Variants in WNT1 observed in about 807,000 individuals in gnomAD.
WNT1 encodes the protein proto-oncogene Wnt-1.
A neutral mutation model predicts 21.3 loss-of-function variants in WNT1; 10 were observed. The ratio of observed to expected loss-of-function variants is 0.47; its 90% CI spans 0.29 to 0.80. The LOEUF (loss-of-function observed/expected upper bound fraction) is 0.80. Among genes scored for constraint, WNT1 ranks in the 30% least tolerant of loss-of-function variants. WNT1 has a pLI of 0.09. For missense variants in WNT1, 476 were observed against 534.1 expected, an observed-to-expected ratio of 0.89 and a Z score of 1.07; for synonymous variants, 208 against 236.3, an observed-to-expected ratio of 0.88 and a Z score of 1.10.
Position 48,981,259 on chromosome 12 carries a change from T to G in WNT1, c.732T>G (p.Asp244Glu). The G allele has an allele frequency of 2.5e-6, 4 of 1,607,500 alleles. No individual in the cohort carries two copies. Among genetic ancestry groups the G allele is most frequent in the Non-Finnish European group, 3.4e-6 (4 of 1,177,234 alleles). ...MRLPTLRAVG[D>E]VLRDRFDGAS... ...TGCCCACGCTGCGCGCCGTGGGCGA[T>G]GTGCTGCGCGACCGCTTCGACGGCG... The change falls in exon 4 of 4, where the codon GAT becomes GAG. Residue 244 changes from aspartate (D) to glutamate (E), a missense_variant. By Grantham distance (45) the Asp-to-Glu change is conservative. Coordinates refer to ENST00000293549, the MANE Select transcript of WNT1 (RefSeq NM_005430.4). This position sits in a 1 kb window ranked among gnomAD's most constrained non-coding sequence, Gnocchi z 7.4.
rs770483597 is a variant in WNT1, at chr12:48,981,170, C to G, written c.643C>G (p.Arg215Gly). The change falls in exon 4 of 4, where the codon CGC (arginine) becomes GGC (glycine). Residue 215 changes from arginine (R) to glycine (G), a missense_variant. Physicochemically the swap from Arg to Gly is moderately radical, Grantham distance 125. Transcript: ENST00000293549. The surrounding 1 kb of genome is among the most constrained non-coding windows in gnomAD (Gnocchi z 7.4). Reference protein sequence around the residue: ...AGRTTVFSEMRQECKCHGMSG... With the variant: ...AGRTTVFSEMGQECKCHGMSG... The stretch of plus-strand genomic sequence containing the variant: ...CCCGCAGACCGTATTCTCCGAGATG[C>G]GCCAGGAGTGCAAGTGCCACGGGAT... The G allele has an allele frequency of 1.9e-6, 3 of 1,612,094 alleles. No homozygotes were observed. The highest frequency in any genetic ancestry group is 2.5e-6 in the Non-Finnish European group (3 of 1,179,596).
rs764154512 is a variant in WNT1 at position 48,979,458 on chromosome 12, G to C, written c.105-10G>C. The C allele has an allele frequency of 1.9e-6, 3 of 1,594,856 alleles. No individual in the cohort carries two copies. Among genetic ancestry groups the C allele is most frequent in the African/African-American group, 2.7e-5 (2 of 74,574 alleles). ...CCTTCCTGAGCCTGAGCTATCATAC[G>C]TCCCACCAGGGGTATTGTGAACGTA... On this transcript the variant is annotated splice_polypyrimidine_tract_variant and intron_variant, in intron 1 of 3. Coordinates refer to ENST00000293549, the MANE Select transcript of WNT1 (RefSeq NM_005430.4). This position sits in a 1 kb window ranked among gnomAD's most constrained non-coding sequence, Gnocchi z 6.0.
Position 48,981,248 on chromosome 12 carries a change from G to T in WNT1, c.721G>T (p.Ala241Ser), listed in dbSNP as rs777921885. The change falls in exon 4 of 4, where the codon GCC becomes TCC. Residue 241 changes from alanine (A) to serine (S), a missense_variant. By Grantham distance (99) the Ala-to-Ser change is moderately conservative (BLOSUM62 1). Coordinates refer to ENST00000293549, the MANE Select transcript of WNT1 (RefSeq NM_005430.4). The surrounding 1 kb of genome is among the most constrained non-coding windows in gnomAD (Gnocchi z 7.4). ...CTGGATGCGGCTGCCCACGCTGCGC[G>T]CCGTGGGCGATGTGCTGCGCGACCG... ...TCWMRLPTLR[A>S]VGDVLRDRFD... The T allele has an allele frequency of 7.5e-6, 12 of 1,608,716 alleles. No individual in the cohort carries two copies. Among genetic ancestry groups the T allele is most frequent in the Admixed American group, 1.7e-5 (1 of 59,702 alleles).
chr12:48,981,637 G>T lies in WNT1; in HGVS notation c.1110G>T (p.Leu370=). Residue 370 remains leucine, a synonymous_variant, in exon 4 of 4, where the codon CTG becomes CTT. Coordinates refer to ENST00000293549, the MANE Select transcript of WNT1 (RefSeq NM_005430.4). The surrounding 1 kb of genome is among the most constrained non-coding windows in gnomAD (Gnocchi z 7.4). ...CTHTRVLHEC[L] ...ACACGCGCGTACTGCACGAGTGTCT[G>T]TGAGGCGCTGCGCGGACTCGCCCCC... is the stretch of plus-strand genomic sequence containing the variant. 6.9e-7 allele frequency: 1 copy of T among 1,442,832 alleles called. No individual in the cohort carries two copies. Among genetic ancestry groups the T allele is most frequent in the Middle Eastern group, 1.9e-4 (1 of 5,220 alleles). 89.4% of individuals were successfully genotyped at this position (1,442,832 alleles called of 1,614,324 possible). A position where few individuals can be genotyped will look rare whatever the true frequency, so the allele number is the denominator to read the frequency against.
chr12:48,981,702 T>C lies in WNT1; in HGVS notation c.*62T>C. On this transcript the variant is annotated 3_prime_UTR_variant, in exon 4 of 4. Transcript: ENST00000293549. This position sits in a 1 kb window ranked among gnomAD's most constrained non-coding sequence, Gnocchi z 7.4. The stretch of plus-strand genomic sequence containing the variant: ...CGAGCCCTCCCCCAAACAGACTCGC[T>C]AGCACTCAAGACCCGGTTATTCGCC... 2 of 1,411,008 alleles carry C rather than the reference T, an allele frequency of 1.4e-6. No homozygotes were observed. Among genetic ancestry groups the C allele is most frequent in the South Asian group, 1.5e-5 (1 of 64,894 alleles). 87.4% of individuals were successfully genotyped at this position (1,411,008 alleles called of 1,614,324 possible).
Position 48,981,031 on chromosome 12 carries a change from C to A in WNT1, c.625-121C>A. ...CATTTCGCGCCTCCCTTCCCCTGGG[C>A]TCAGCTAGGCCTGGGCCTTTGCTGA... On this transcript the variant is annotated intron_variant, in intron 3 of 3. Coordinates refer to ENST00000293549, the MANE Select transcript of WNT1 (RefSeq NM_005430.4). The surrounding 1 kb of genome is among the most constrained non-coding windows in gnomAD (Gnocchi z 7.4). 6.8e-7 allele frequency: 1 copy of A among 1,460,848 alleles called. No homozygotes were observed. Among genetic ancestry groups the A allele is most frequent in the South Asian group, 1.4e-5 (1 of 71,464 alleles). 90.5% of individuals were successfully genotyped at this position (1,460,848 alleles called of 1,614,324 possible).
In WNT1 at chr12:48,978,820, G is replaced by T; in HGVS notation, c.104+66G>T. 1 of 1,114,052 alleles carries T rather than the reference G, an allele frequency of 9.0e-7. No homozygotes were observed. Among genetic ancestry groups the T allele is most frequent in the Non-Finnish European group, 1.3e-6 (1 of 793,838 alleles). The allele number at this position is 1,114,052 out of a possible 1,614,324, so 69.0% of individuals were successfully genotyped here. On this transcript the variant is annotated intron_variant, in intron 1 of 3. Coordinates refer to ENST00000293549, the MANE Select transcript of WNT1 (RefSeq NM_005430.4). The surrounding 1 kb of genome is among the most constrained non-coding windows in gnomAD (Gnocchi z 7.4). ...CAGAGCCAGGGGCCAACCCTACCCA[G>T]CTCCCACGCTCTGGGATCCGTCTGC...
At position 48,981,811 on chromosome 12, in the gene WNT1, C is replaced by A. The variant is rs1331055752; in HGVS notation, c.*171C>A. The A allele has an allele frequency of 3.1e-6, 3 of 971,986 alleles. No homozygotes were observed. The highest frequency in any genetic ancestry group is 4.3e-6 in the Non-Finnish European group (3 of 705,510). The allele number at this position is 971,986 out of a possible 1,614,324, so 60.2% of individuals were successfully genotyped here. The stretch of plus-strand genomic sequence containing the variant: ...TCCTCCTACCTGGGGACTCCTCAAA[C>A]CACTTGCCTGGGGCGGCATGAACCC... On this transcript the variant is annotated 3_prime_UTR_variant, in exon 4 of 4. Coordinates refer to ENST00000293549, the MANE Select transcript of WNT1 (RefSeq NM_005430.4). The surrounding 1 kb of genome is among the most constrained non-coding windows in gnomAD (Gnocchi z 7.4).
chr12:48,979,972 G>A lies in WNT1; in HGVS notation c.358+251G>A, dbSNP rs1940988647. Reference sequence around the variant, plus strand: ...CAGATAAAGAAAGTTTCGGGTCGCGGACGCCGGCTGACCGCCGCTTTCCCC... The same window carrying A: ...CAGATAAAGAAAGTTTCGGGTCGCGAACGCCGGCTGACCGCCGCTTTCCCC... On this transcript the variant is annotated intron_variant, in intron 2 of 3. Coordinates refer to ENST00000293549, the MANE Select transcript of WNT1 (RefSeq NM_005430.4). This position sits in a 1 kb window ranked among gnomAD's most constrained non-coding sequence, Gnocchi z 6.0. 1.3e-5 allele frequency among the ~76,000 whole-genome samples: 2 copies of A among 152,244 alleles called. No individual in the cohort carries two copies. The highest frequency in any genetic ancestry group is 4.1e-4 in the South Asian group (2 of 4,832).
Position 48,981,577 on chromosome 12 carries a change from C to T in WNT1, c.1050C>T (p.His350=). The change falls in exon 4 of 4, where the codon CAC becomes CAT. Residue 350 remains histidine, a synonymous_variant. Coordinates refer to ENST00000293549, the MANE Select transcript of WNT1 (RefSeq NM_005430.4). The surrounding 1 kb of genome is among the most constrained non-coding windows in gnomAD (Gnocchi z 7.4). The part of the protein sequence containing the change: ...RVTERCNCTF[H]WCCHVSCRNC... ...CCGAGCGCTGCAACTGCACCTTCCA[C>T]TGGTGCTGCCACGTCAGCTGCCGCA... 1 of 1,514,958 alleles carries T rather than the reference C, an allele frequency of 6.6e-7. No homozygotes were observed. Among genetic ancestry groups the T allele is most frequent in the Non-Finnish European group, 8.8e-7 (1 of 1,133,450 alleles). 93.8% of individuals were successfully genotyped at this position (1,514,958 alleles called of 1,614,324 possible).
rs957263950 is a variant in WNT1 at position 48,978,421 on chromosome 12, C to A, written c.-230C>A. ...GCGGCCCGGAGGGGCAGCCTCCTCCCGTCACTTCAGCCAGCGCCGCAACTA... is the reference window on the plus strand; with the variant it reads ...GCGGCCCGGAGGGGCAGCCTCCTCCAGTCACTTCAGCCAGCGCCGCAACTA... On this transcript the variant is annotated 5_prime_UTR_variant, in exon 1 of 4. Coordinates refer to ENST00000293549, the MANE Select transcript of WNT1 (RefSeq NM_005430.4). This position sits in a 1 kb window ranked among gnomAD's most constrained non-coding sequence, Gnocchi z 7.4. The A allele has an allele frequency of 3.5e-6, 2 of 569,382 alleles. No homozygotes were observed. The highest frequency in any genetic ancestry group is 2.0e-5 in the South Asian group (1 of 48,866). 35.3% of individuals were successfully genotyped at this position (569,382 alleles called of 1,614,324 possible).
chr12:48,982,267 C>T lies in WNT1; in HGVS notation c.*627C>T, dbSNP rs561606389. On this transcript the variant is annotated 3_prime_UTR_variant, in exon 4 of 4. Coordinates refer to ENST00000293549, the MANE Select transcript of WNT1 (RefSeq NM_005430.4). Reference sequence around the variant, plus strand: ...AGCCATTGAACAGCTGTGAGCCATGCCTCCCTGGGCCACCTCCTACCCCTT... The same window carrying T: ...AGCCATTGAACAGCTGTGAGCCATGTCTCCCTGGGCCACCTCCTACCCCTT... Among the ~76,000 whole-genome samples the T allele has an allele frequency of 6.6e-6, 1 of 152,278 alleles. No homozygotes were observed. Among genetic ancestry groups the T allele is most frequent in the South Asian group, 2.1e-4 (1 of 4,830 alleles).
Position 48,980,803 on chromosome 12 carries a change from G to C in WNT1, c.624+114G>C. 7.0e-7 allele frequency: 1 copy of C among 1,432,590 alleles called. No individual in the cohort carries two copies. Among genetic ancestry groups the C allele is most frequent in the Non-Finnish European group, 9.2e-7 (1 of 1,088,944 alleles). The allele number at this position is 1,432,590 out of a possible 1,614,324, so 88.7% of individuals were successfully genotyped here. On this transcript the variant is annotated intron_variant, in intron 3 of 3. Transcript: ENST00000293549. The surrounding 1 kb of genome is among the most constrained non-coding windows in gnomAD (Gnocchi z 7.0). ...GGCACCAGGAGAGGGCGTCCTGGGA[G>C]AGCCGGAGGCTTGGAACGAAGACGG... is the stretch of plus-strand genomic sequence containing the variant.
chr12:48,981,076 C>G lies in WNT1; in HGVS notation c.625-76C>G. On this transcript the variant is annotated intron_variant, in intron 3 of 3. Transcript: ENST00000293549. The surrounding 1 kb of genome is among the most constrained non-coding windows in gnomAD (Gnocchi z 7.4). The stretch of plus-strand genomic sequence containing the variant: ...TGCTGAGGTCCGGCCCCCGTGGCGT[C>G]CGGGAGAGGGCAGTGTCTGGGAGGG... 2.6e-6 allele frequency: 4 copies of G among 1,558,582 alleles called. No homozygotes were observed. The highest frequency in any genetic ancestry group is 3.5e-6 in the Non-Finnish European group (4 of 1,151,800).
In WNT1 at chr12:48,978,492, G is replaced by A. The variant is rs1412567220; in HGVS notation, c.-159G>A. On this transcript the variant is annotated 5_prime_UTR_variant, in exon 1 of 4. Transcript: ENST00000293549. This position sits in a 1 kb window ranked among gnomAD's most constrained non-coding sequence, Gnocchi z 7.4. ...CGTGGCCGCCTCAGCCCACCAGCCG[G>A]GACCGCGAGCCATGCTGTCCGCCGC... The A allele has an allele frequency of 3.2e-6, 2 of 616,354 alleles. No individual in the cohort carries two copies. Among genetic ancestry groups the A allele is most frequent in the African/African-American group, 1.9e-5 (1 of 52,670 alleles). The allele number at this position is 616,354 out of a possible 1,614,324, so 38.2% of individuals were successfully genotyped here.
In WNT1 at chr12:48,979,755, A is replaced by C; in HGVS notation, c.358+34A>C. The stretch of plus-strand genomic sequence containing the variant: ...CCAGGAAGGCGACGCTTCCGGGAGC[A>C]GGGGAAACGCGGGGTCACCCCCAGG... On this transcript the variant is annotated intron_variant, in intron 2 of 3. Transcript: ENST00000293549. This position sits in a 1 kb window ranked among gnomAD's most constrained non-coding sequence, Gnocchi z 6.0. 1.9e-6 allele frequency: 3 copies of C among 1,550,646 alleles called. No homozygotes were observed. Among genetic ancestry groups the C allele is most frequent in the Non-Finnish European group, 2.6e-6 (3 of 1,147,736 alleles).
Position 48,979,397 on chromosome 12 carries a change from C to G in WNT1, c.105-71C>G. 1 of 1,515,180 alleles carries G rather than the reference C, an allele frequency of 6.6e-7. No individual in the cohort carries two copies. The highest frequency in any genetic ancestry group is 8.9e-7 in the Non-Finnish European group (1 of 1,128,588). The allele number at this position is 1,515,180 out of a possible 1,614,324, so 93.9% of individuals were successfully genotyped here. A position where few individuals can be genotyped will look rare whatever the true frequency, so the allele number is the denominator to read the frequency against. ...AGCCACATACCCCCAGGAAGAGGAC[C>G]GGGTGGCACAGTTTTTATGGTTAGG... is the stretch of plus-strand genomic sequence containing the variant. On this transcript the variant is annotated intron_variant, in intron 1 of 3. Transcript: ENST00000293549. This position sits in a 1 kb window ranked among gnomAD's most constrained non-coding sequence, Gnocchi z 6.0.
Position 48,978,770 on chromosome 12 carries a change from C to T in WNT1, c.104+16C>T, listed in dbSNP as rs755343363. 5.8e-6 allele frequency: 9 copies of T among 1,557,684 alleles called. No homozygotes were observed. The highest frequency in any genetic ancestry group is 7.0e-6 in the Non-Finnish European group (8 of 1,146,644). Reference sequence around the variant, plus strand: ...GCCGATGGTGGTAAGTGAGCTGGTGCGGGGTCGCCACTTGTCCCGCGGCAC... The same window carrying T: ...GCCGATGGTGGTAAGTGAGCTGGTGTGGGGTCGCCACTTGTCCCGCGGCAC... On this transcript the variant is annotated intron_variant, in intron 1 of 3. Transcript: ENST00000293549. This position sits in a 1 kb window ranked among gnomAD's most constrained non-coding sequence, Gnocchi z 7.4.
chr12:48,978,894 G>T lies in WNT1; in HGVS notation c.104+140G>T. The T allele has an allele frequency of 1.6e-6, 1 of 635,532 alleles. No individual in the cohort carries two copies. The highest frequency in any genetic ancestry group is 2.7e-6 in the Non-Finnish European group (1 of 373,852). 39.4% of individuals were successfully genotyped at this position (635,532 alleles called of 1,614,324 possible). ...ACTTCCCTCCGCGACACCGAAGGGC[G>T]ATCTGGCATGAAACTGCCCCAGACT... On this transcript the variant is annotated intron_variant, in intron 1 of 3. Coordinates refer to ENST00000293549, the MANE Select transcript of WNT1 (RefSeq NM_005430.4). This position sits in a 1 kb window ranked among gnomAD's most constrained non-coding sequence, Gnocchi z 7.4.
Sources: gnomAD v4.1 joint callset for allele counts (sites outside exome capture counted in the v4.1 genomes callset) on GRCh38, gnomAD v4.1.1 for gene constraint, Gnocchi (gnomAD v3.1) non-coding constraint, MANE v1.5 for transcripts, NCBI Gene and HGNC (gene_info 2026-07-23, HGNC 2026-07-21) for gene names.